Variants in PANK2 observed in about 807,000 individuals in gnomAD.
PANK2 encodes the protein pantothenate kinase 2, mitochondrial.
In PANK2, 36 loss-of-function variants were observed where a neutral mutation model predicts 43.1. The ratio of observed to expected loss-of-function variants is 0.84; its 90% CI spans 0.64 to 1.10. The LOEUF (loss-of-function observed/expected upper bound fraction) is 1.10, where lower values mean the gene tolerates loss of function less well. Among genes scored for constraint, PANK2 ranks in the 50% least tolerant of loss-of-function variants. The pLI, the probability that PANK2 is intolerant of heterozygous loss-of-function variation, is 0.00. For synonymous variants in PANK2, 281 were observed against 238.2 expected (o/e 1.18, Z -1.66); for missense variants, 576 against 593.3 (o/e 0.97, Z 0.30).
intron 2 of PANK2, chr20:3,908,649 A>G (rs1233700359): frequency 8.6e-6 from 2 of 232,454 alleles, no homozygotes; most frequent in African/African-American, 4.6e-5. Flanking sequence ...TGTCTACCAC[A>G]TAATTTCTCT....
At chr20:3,923,133 TG>T in intron 6 of PANK2, 110 bp from the exon 7 acceptor site, 1 of 1,251,152 alleles carries the variant, frequency 8.0e-7, no homozygotes, top group Non-Finnish European at 1.2e-6. Flanking sequence ...GCTCAGGAAA[TG>T]GGTATGCTGT....
chr20:3,926,429 A>G lies in PANK2; in HGVS notation c.*3135A>G, dbSNP rs1244954838. 1 of 152,326 alleles carries G rather than the reference A, an allele frequency of 6.6e-6. No individual in the cohort carries two copies. The highest frequency in any genetic ancestry group is 1.5e-5 in the Non-Finnish European group (1 of 68,128). 9.4% of individuals were successfully genotyped at this position (152,326 alleles called of 1,614,324 possible). ...CTAGGCATCTGAATTGAGGTTGCCC[A>G]CAATTGGTTGCAAGATCGTGGCTGG... On this transcript the variant is annotated 3_prime_UTR_variant, in exon 7 of 7. Transcript: ENST00000610179.
At position 3,924,257 on chromosome 20, in the gene PANK2, C is replaced by T. The variant is rs910856944; in HGVS notation, c.*963C>T. 6.6e-6 allele frequency: 1 copy of T among 152,264 alleles called. No individual in the cohort carries two copies. Among genetic ancestry groups the T allele is most frequent in the Non-Finnish European group, 1.5e-5 (1 of 68,080 alleles). The allele number at this position is 152,264 out of a possible 1,614,324, so 9.4% of individuals were successfully genotyped here. On this transcript the variant is annotated 3_prime_UTR_variant, in exon 7 of 7. Transcript: ENST00000610179. Reference sequence around the variant, plus strand: ...TGCTTTGCAGAATAATTTCAAAAGCCTTTCCCAAGGAGAGAATGCACCTTT... The same window carrying T: ...TGCTTTGCAGAATAATTTCAAAAGCTTTTCCCAAGGAGAGAATGCACCTTT...
chr20:3,897,970 C>T (rs2090236863), intron 1 of PANK2, among the ~76,000 whole-genome samples: 1 of 151,988 alleles, frequency 6.6e-6, no homozygotes, highest in African/African-American at 2.4e-5. Context: ...TCTGTCGCTG[C>T]ACTCCATCTG....
intron 1 of PANK2, among the ~76,000 whole-genome samples, chr20:3,899,431 A>C (rs184487974): frequency 1.3e-5 from 2 of 151,710 alleles, no homozygotes; most frequent in East Asian, 3.9e-4. Flanking sequence ...TTGGCCTCCC[A>C]GAGTGCTGGG....
chr20:3,897,423 G>A (rs2090227276), intron 1 of PANK2, among the ~76,000 whole-genome samples: 1 of 152,162 alleles, frequency 6.6e-6, no homozygotes, highest in Non-Finnish European at 1.5e-5. Context: ...GCTCTAGGCT[G>A]GATGTGTTAG....
chr20:3,889,751 T>TCCCGGCCCGCCCTGCCCC (rs1555784041), intron 1 of PANK2, 23 bp downstream of exon 1: 45 of 1,532,924 alleles, frequency 2.9e-5, no homozygotes, highest in East Asian at 6.9e-5. Flanking sequence ...TGGGGCGCCC[T>TCCCGGCCCGCCCTGCCCC]CCCGGCCCGC....
rs1352114288 is a variant in PANK2, at chr20:3,927,708, C to T, written c.*4414C>T. The T allele has an allele frequency of 1.3e-5, 2 of 152,250 alleles. No homozygotes were observed. Among genetic ancestry groups the T allele is most frequent in the Admixed American group, 6.5e-5 (1 of 15,276 alleles). 9.4% of individuals were successfully genotyped at this position (152,250 alleles called of 1,614,324 possible). A position where few individuals can be genotyped will look rare whatever the true frequency, so the allele number is the denominator to read the frequency against. ...TCCTAACACTTGCCACACCTGCTCC[C>T]CCGACCGGGGGCCTGGGAGGGAAGG... On this transcript the variant is annotated 3_prime_UTR_variant, in exon 7 of 7. Transcript: ENST00000610179.
At chr20:3,889,863 G>C in intron 1 of PANK2, 135 bp downstream of exon 1, 1 of 1,533,490 alleles carries the variant, frequency 6.5e-7, no homozygotes, top group East Asian at 2.4e-5. Context: ...TTGGTGCGTG[G>C]CCTGACATCC....
At chr20:3,922,576 C>T (rs1238153382) in intron 6 of PANK2, among the ~76,000 whole-genome samples, 1 of 152,188 alleles carries the variant, frequency 6.6e-6, no homozygotes, top group Non-Finnish European at 1.5e-5. Context: ...ATCCAGGTGT[C>T]TGGTGACCAC....
chr20:3,894,282 C>A (rs2090169949), intron 1 of PANK2, among the ~76,000 whole-genome samples: 1 of 150,348 alleles, frequency 6.7e-6, no homozygotes, highest in African/African-American at 2.5e-5. Flanking sequence ...CTCTTGTTGC[C>A]CAGGCTGGAG....
chr20:3,913,404 C>T (rs1222989320), intron 4 of PANK2, among the ~76,000 whole-genome samples: 14 of 151,898 alleles, frequency 9.2e-5, no homozygotes, highest in South Asian at 2.1e-4. Context: ...AGTGCAATGG[C>T]GTGATCTCGG....
chr20:3,923,349 C>T lies in PANK2; in HGVS notation c.*55C>T, dbSNP rs1213057096. The T allele has an allele frequency of 4.5e-6, 7 of 1,568,588 alleles. No individual in the cohort carries two copies. The highest frequency in any genetic ancestry group is 2.7e-5 in the African/African-American group (2 of 73,628). On this transcript the variant is annotated 3_prime_UTR_variant, in exon 7 of 7. Coordinates refer to ENST00000610179, the MANE Select transcript of PANK2 (RefSeq NM_001386393.1). ...TTCCACAATGGGATCTGTGGACTTTCATTTTTTTAAGAGACTTACTCAATT... is the reference window on the plus strand; with the variant it reads ...TTCCACAATGGGATCTGTGGACTTTTATTTTTTTAAGAGACTTACTCAATT...
intron 3 of PANK2, among the ~76,000 whole-genome samples, chr20:3,912,066 T>A (rs1159844828): frequency 6.6e-6 from 1 of 151,966 alleles, no homozygotes; most frequent in Non-Finnish European, 1.5e-5. Context: ...AGGAGGAGTA[T>A]GTTTGGGGGT....
Position 3,927,173 on chromosome 20 carries a change from G to A in PANK2, c.*3879G>A, listed in dbSNP as rs534918923. The A allele has an allele frequency of 1.8e-3, 270 of 152,268 alleles. 1 individual carries two copies. Among genetic ancestry groups the A allele is most frequent in the Non-Finnish European group, 3.5e-3 (236 of 68,086 alleles). 9.4% of individuals were successfully genotyped at this position (152,268 alleles called of 1,614,324 possible). On this transcript the variant is annotated 3_prime_UTR_variant, in exon 7 of 7. Transcript: ENST00000610179. ...CACACTATGCCACAGGAAGGGCAGG[G>A]GCTTCCATCACAATCACTCAGTACT...
At chr20:3,904,316 C>G (rs1159297848) in intron 1 of PANK2, among the ~76,000 whole-genome samples, 2 of 151,950 alleles carry the variant, frequency 1.3e-5, no homozygotes, top group Admixed American at 6.6e-5. Flanking sequence ...CATGATGACT[C>G]AGGCCTGTAA....
chr20:3,919,541 A>G (rs761396378), intron 6 of PANK2, among the ~76,000 whole-genome samples: 1 of 152,220 alleles, frequency 6.6e-6, no homozygotes, highest in Non-Finnish European at 1.5e-5. Flanking sequence ...GAACCATACT[A>G]TCATAAGAAC....
intron 4 of PANK2, 22 bp from the exon 5 acceptor site, chr20:3,916,905 G>A (rs1183350766): frequency 6.4e-7 from 1 of 1,572,486 alleles, no homozygotes; most frequent in Non-Finnish European, 8.7e-7. Flanking sequence ...TTAGCAATGG[G>A]ATTTTTTTTC....
intron 1 of PANK2, among the ~76,000 whole-genome samples, chr20:3,898,724 G>A (rs2090251316): frequency 6.6e-6 from 1 of 152,050 alleles, no homozygotes; most frequent in South Asian, 2.1e-4. Flanking sequence ...TAATTTTGAA[G>A]TTTTGCAGTA....
Sources: allele counts gnomAD v4.1 joint callset (sites outside exome capture counted in the v4.1 genomes callset), GRCh38; gene constraint gnomAD v4.1.1; transcripts MANE v1.5; gene names NCBI Gene and HGNC (gene_info 2026-07-23, HGNC 2026-07-21).